The following TCF7L2 variants were observed in gnomAD, a reference collection of about 807,000 sequenced individuals.
TCF7L2 encodes transcription factor 7-like 2.
Under a neutral mutation model 77.9 loss-of-function variants are expected in TCF7L2, and 23 were observed. The ratio of observed to expected loss-of-function variants is 0.30; its 90% CI spans 0.21 to 0.42. The LOEUF is 0.42. Among genes scored for constraint, TCF7L2 ranks in the 10% least tolerant of loss-of-function variants. The pLI, the probability that TCF7L2 is intolerant of heterozygous loss-of-function variation, is 1.00. For missense variants in TCF7L2, 654 were observed against 793.1 expected (o/e 0.82, Z 2.11); for synonymous variants, 413 against 340.2 (o/e 1.21, Z -2.36).
intron 5 of TCF7L2, among the ~76,000 whole-genome samples, chr10:113,105,002 G>A (rs918520508): frequency 6.6e-6 from 1 of 152,176 alleles, no homozygotes; most frequent in Non-Finnish European, 1.5e-5. Context: ...GGAAGATTGT[G>A]ACAATAACTG....
intron 13 of TCF7L2, among the ~76,000 whole-genome samples, chr10:113,164,763 G>A (rs1266213811): frequency 6.8e-6 from 1 of 147,188 alleles, no homozygotes; most frequent in Admixed American, 6.8e-5. Flanking sequence ...TCTTTTTTTT[G>A]TTTCGTTTTT....
intron 4 of TCF7L2, among the ~76,000 whole-genome samples, chr10:112,983,141 T>TG (rs2040802963): frequency 6.6e-6 from 1 of 151,760 alleles, no homozygotes; most frequent in Non-Finnish European, 1.5e-5. Flanking sequence ...TTTTGTTTTT[T>TG]TTTTGTCAGA....
At chr10:113,110,367 G>GA (rs1351646869) in intron 5 of TCF7L2, among the ~76,000 whole-genome samples, 14 of 96,594 alleles carry the variant, frequency 1.4e-4, no homozygotes, top group East Asian at 4.4e-4. Context: ...TTGTCTACTG[G>GA]GGTTTTTTTT....
chr10:112,979,154 C>G (rs767119948), intron 4 of TCF7L2, among the ~76,000 whole-genome samples: 1 of 152,024 alleles, frequency 6.6e-6, no homozygotes, highest in Non-Finnish European at 1.5e-5. Flanking sequence ...TTGGAGACTT[C>G]GCCTGTTGAA....
chr10:112,979,174 TAAA>T, intron 4 of TCF7L2, among the ~76,000 whole-genome samples: 1 of 152,194 alleles, frequency 6.6e-6, no homozygotes, highest in Non-Finnish European at 1.5e-5. Context: ...AAGGAGAACT[TAAA>T]AGACTGGAGT....
intron 5 of TCF7L2, among the ~76,000 whole-genome samples, chr10:113,046,824 G>A (rs2053546942): frequency 6.6e-6 from 1 of 151,934 alleles, no homozygotes; most frequent in African/African-American, 2.4e-5. Context: ...GAATAATTTG[G>A]TATATTTCCT....
chr10:113,134,794 G>T (rs1206576813), intron 5 of TCF7L2, among the ~76,000 whole-genome samples: 1 of 152,208 alleles, frequency 6.6e-6, no homozygotes, highest in African/African-American at 2.4e-5. Flanking sequence ...CCCTGGGAGG[G>T]CTGGTAAGTG....
At chr10:113,161,971 G>A (rs1229474829) in intron 13 of TCF7L2, among the ~76,000 whole-genome samples, 2 of 152,240 alleles carry the variant, frequency 1.3e-5, no homozygotes, top group Non-Finnish European at 2.9e-5. Context: ...TGTTCACAGC[G>A]CTGACAGATG....
intron 5 of TCF7L2, among the ~76,000 whole-genome samples, chr10:113,079,489 A>AT (rs1195711283): frequency 1.3e-5 from 2 of 152,130 alleles, no homozygotes; most frequent in South Asian, 2.1e-4. Flanking sequence ...GAAAACCTGA[A>AT]TTTTTTCTTT....
intron 4 of TCF7L2, among the ~76,000 whole-genome samples, chr10:112,997,950 C>T (rs1382940301): frequency 2.0e-5 from 3 of 151,950 alleles, no homozygotes; most frequent in African/African-American, 7.3e-5. Flanking sequence ...ATTACAACCC[C>T]GTGTGCAAAA....
At chr10:113,131,978 A>G (rs1367348107) in intron 5 of TCF7L2, 2 of 152,266 alleles carry the variant, frequency 1.3e-5, no homozygotes, top group Non-Finnish European at 2.9e-5. Flanking sequence ...TCCTTGTCCC[A>G]TGGTGACTCT....
intron 6 of TCF7L2, among the ~76,000 whole-genome samples, chr10:113,142,964 A>ATT (rs1219524019): frequency 6.6e-6 from 1 of 152,232 alleles, no homozygotes; most frequent in African/African-American, 2.4e-5. Flanking sequence ...GGGAGACTTA[A>ATT]TTTACAGATT....
At chr10:113,041,417 A>G (rs1029284218) in intron 5 of TCF7L2, among the ~76,000 whole-genome samples, 19 of 152,226 alleles carry the variant, frequency 1.2e-4, no homozygotes, top group Non-Finnish European at 2.5e-4. Context: ...ACTTGCCCTC[A>G]GGAAAGGAAA....
At chr10:113,077,858 CTTATTTAT>C (rs35452927) in intron 5 of TCF7L2, among the ~76,000 whole-genome samples, 8,464 of 133,808 alleles carry the variant, frequency 0.063, 717 homozygotes, top group East Asian at 0.42. Context: ...GCCTGGCTTG[CTTATTTAT>C]TTATTTATTT....
At chr10:113,055,143 G>A (rs1391385896) in intron 5 of TCF7L2, among the ~76,000 whole-genome samples, 2 of 152,212 alleles carry the variant, frequency 1.3e-5, no homozygotes, top group African/African-American at 4.8e-5. Flanking sequence ...AGAGGAATTG[G>A]TAGGGCATTG....
At chr10:112,965,739 C>G (rs2036622262) in intron 4 of TCF7L2, among the ~76,000 whole-genome samples, 1 of 150,728 alleles carries the variant, frequency 6.6e-6, no homozygotes, top group African/African-American at 2.4e-5. Flanking sequence ...TCTGCATCTT[C>G]CTTGATAAGA....
At chr10:113,145,513 A>G (rs557249971) in intron 7 of TCF7L2, among the ~76,000 whole-genome samples, 10 of 152,260 alleles carry the variant, frequency 6.6e-5, no homozygotes, top group African/African-American at 2.2e-4. Context: ...TCTTGTCAAC[A>G]CTTGTTAATT....
chr10:113,090,757 C>T (rs557465934), intron 5 of TCF7L2, among the ~76,000 whole-genome samples: 37 of 152,094 alleles, frequency 2.4e-4, no homozygotes, highest in African/African-American at 6.3e-4. Context: ...TACAGGTGCG[C>T]GCCACCAAGC....
intron 5 of TCF7L2, among the ~76,000 whole-genome samples, chr10:113,065,356 C>A (rs2057110284): frequency 6.6e-6 from 1 of 152,226 alleles, no homozygotes; most frequent in Non-Finnish European, 1.5e-5. Flanking sequence ...CATAGATCTG[C>A]AGTTGCAGAT....
Sources: allele counts gnomAD v4.1 joint callset (sites outside exome capture counted in the v4.1 genomes callset), GRCh38; gene constraint gnomAD v4.1.1; transcripts MANE v1.5; gene names NCBI Gene and HGNC (gene_info 2026-07-23, HGNC 2026-07-21).